The following TIMM50 variants were observed in gnomAD, a reference collection of about 807,000 sequenced individuals.
The protein encoded by TIMM50 is mitochondrial import inner membrane translocase subunit TIM50.
Under a neutral mutation model 49.6 loss-of-function variants are expected in TIMM50, and 34 were observed. The ratio of observed to expected loss-of-function variants is 0.69; its 90% CI spans 0.52 to 0.91. The LOEUF (loss-of-function observed/expected upper bound fraction) is 0.91. TIMM50 is among the 40% of genes least tolerant of loss of function. The pLI is 0.00. For synonymous variants in TIMM50, 199 were observed against 198.4 expected (o/e 1.00, Z -0.03); for missense variants, 458 against 477.8 (o/e 0.96, Z 0.39).
At chr19:39,488,772 A>T in intron 10 of TIMM50, 127 bp downstream of exon 10, 1 of 700,778 alleles carries the variant, frequency 1.4e-6, no homozygotes, top group South Asian at 1.7e-5. Context: ...TCTCTGCCTC[A>T]GTCTCTGTAA....
Position 39,482,006 on chromosome 19 carries a change from G to A in TIMM50, c.232G>A (p.Gly78Arg). The change falls in exon 2 of 11, where the codon GGG becomes AGG. Residue 78 changes from glycine to arginine, a missense_variant. Physicochemically the swap from Gly to Arg is moderately radical, Grantham distance 125. Transcript: ENST00000607714. ...LWLAGLLGAG[G>R]TVSVVYIFGN... is the part of the protein sequence containing the mutation. ...GCTTGCTGGGCTGCTTGGAGCTGGT[G>A]GGACTGTGAGCGTCGTCTATATCTT... is the stretch of plus-strand genomic sequence containing the variant. 6.2e-7 allele frequency: 1 copy of A among 1,614,152 alleles called. No individual in the cohort carries two copies. The highest frequency in any genetic ancestry group is 8.5e-7 in the Non-Finnish European group (1 of 1,180,020).
chr19:39,486,304 G>T lies in TIMM50; in HGVS notation c.597+13G>T. ...AGAGACTGGCATGGTGAGGCTCTGG[G>T]GCAGGGGAGGGAATATTGGTGTGGT... On this transcript the variant is annotated intron_variant, in intron 7 of 10. Transcript: ENST00000607714. The T allele has an allele frequency of 1.9e-6, 3 of 1,613,758 alleles. No homozygotes were observed. Among genetic ancestry groups the T allele is most frequent in the Non-Finnish European group, 2.5e-6 (3 of 1,179,694 alleles).
At chr19:39,481,363 A>T in intron 1 of TIMM50, 1 of 282,840 alleles carries the variant, frequency 3.5e-6, no homozygotes, top group Non-Finnish European at 6.7e-6. Flanking sequence ...GTTGACAGAG[A>T]CCCAGCCATT....
chr19:39,485,673 G>A lies in TIMM50; in HGVS notation c.373-15G>A, dbSNP rs372343731. 4.6e-4 allele frequency: 743 copies of A among 1,614,042 alleles called. 2 individuals carry two copies. Among genetic ancestry groups the A allele is most frequent in the Middle Eastern group, 2.3e-3 (14 of 6,062 alleles). Reference sequence around the variant, plus strand: ...CTCCTTGTCTGAGCGCCCCCATCCTGTCCCTCTCCCACAGATGATCATCGA... The same window carrying A: ...CTCCTTGTCTGAGCGCCCCCATCCTATCCCTCTCCCACAGATGATCATCGA... On this transcript the variant is annotated splice_polypyrimidine_tract_variant and intron_variant, in intron 5 of 10. Transcript: ENST00000607714.
intron 6 of TIMM50, 134 bp from the exon 7 acceptor site, chr19:39,486,053 C>A: frequency 8.9e-7 from 1 of 1,118,588 alleles, no homozygotes; most frequent in African/African-American, 1.6e-5. Flanking sequence ...CTATGAACTT[C>A]TTGACCTCCA....
At position 39,492,882 on chromosome 19, in the gene TIMM50, AAAAAAAAAAAC is replaced by A. The variant is rs1475137361; in HGVS notation, c.*3074_*3084del. 6 of 141,230 alleles carry A rather than the reference AAAAAAAAAAAC, an allele frequency of 4.2e-5. No individual in the cohort carries two copies. The highest frequency in any genetic ancestry group is 1.6e-4 in the African/African-American group (6 of 36,836). 8.7% of individuals were successfully genotyped at this position (141,230 alleles called of 1,614,324 possible). On this transcript the variant is annotated 3_prime_UTR_variant, in exon 11 of 11. Coordinates refer to ENST00000607714, the MANE Select transcript of TIMM50 (RefSeq NM_001001563.5). The stretch of plus-strand genomic sequence containing the variant: ...TAAGGCTCTGTCTCCAAAAAAAAAA[AAAAAAAAAAAC>A]AAAAAAAAAACCAGTTTGACTTTAT...
rs765616643 is a variant in TIMM50, at chr19:39,486,173, C to CA, written c.493-13dup. On this transcript the variant is annotated splice_polypyrimidine_tract_variant and intron_variant, in intron 6 of 10. Coordinates refer to ENST00000607714, the MANE Select transcript of TIMM50 (RefSeq NM_001001563.5). ...CTGGGTCTTGGTGTTTCACTGTCCT[C>CA]ACTGTCTTCCCAGCTGGCCACTGGC... The CA allele has an allele frequency of 1.9e-6, 3 of 1,613,666 alleles. No individual in the cohort carries two copies. The highest frequency in any genetic ancestry group is 2.2e-5 in the South Asian group (2 of 91,078).
chr19:39,488,463 G>T, intron 9 of TIMM50, 76 bp from the exon 10 acceptor site: 3 of 1,398,422 alleles, frequency 2.1e-6, no homozygotes, highest in Non-Finnish European at 3.0e-6. Flanking sequence ...GCCCCAGTGC[G>T]GGACGTTCCC....
At chr19:39,488,368 G>A in intron 9 of TIMM50, 151 bp downstream of exon 9, 1 of 1,152,858 alleles carries the variant, frequency 8.7e-7, no homozygotes, top group East Asian at 2.4e-5. Context: ...GATGTTCATG[G>A]AATGTTTGGG....
rs1600742437 is a variant in TIMM50 at position 39,488,455 on chromosome 19, C to T, written c.854-84C>T. 3 of 1,315,518 alleles carry T rather than the reference C, an allele frequency of 2.3e-6. No homozygotes were observed. In the East Asian group the frequency reaches 6.9e-5, roughly 30 times the overall value. The allele number at this position is 1,315,518 out of a possible 1,614,324, so 81.5% of individuals were successfully genotyped here. ...CAGGTAGCACTGACTGCCCCCGTGC[C>T]CCAGTGCGGGACGTTCCCCTCATGG... On this transcript the variant is annotated intron_variant, in intron 9 of 10. Transcript: ENST00000607714.
chr19:39,489,613 A>G (rs2079530621), intron 10 of TIMM50, 106 bp from the exon 11 acceptor site: 2 of 1,114,904 alleles, frequency 1.8e-6, no homozygotes, highest in African/African-American at 3.1e-5. Flanking sequence ...GGCAGAAGTC[A>G]GAAGGAAAGG....
chr19:39,482,147 C>T, intron 2 of TIMM50, 114 bp downstream of exon 2: 1 of 1,379,030 alleles, frequency 7.3e-7, no homozygotes, highest in Non-Finnish European at 9.9e-7. Context: ...CTGGCTCCTT[C>T]CTCAATAGGG....
At chr19:39,485,459 T>C (rs1197310030) in intron 4 of TIMM50, 85 bp from the exon 5 acceptor site, 2 of 1,534,658 alleles carry the variant, frequency 1.3e-6, no homozygotes, top group East Asian at 2.2e-5. Flanking sequence ...CCTGTTTGTA[T>C]CTGGTAGATA....
rs1555752644 is a variant in TIMM50 at position 39,492,883 on chromosome 19, A to AAAC, written c.*3065_*3066insCAA. ...AAGGCTCTGTCTCCAAAAAAAAAAAAAAAAAAAAACAAAAAAAAAACCAGT... is the reference window on the plus strand; with the variant it reads ...AAGGCTCTGTCTCCAAAAAAAAAAAAAACAAAAAAAAACAAAAAAAAAACCAGT... On this transcript the variant is annotated 3_prime_UTR_variant, in exon 11 of 11. Transcript: ENST00000607714. The AAAC allele has an allele frequency of 2.9e-5, 4 of 138,628 alleles. No individual in the cohort carries two copies. The highest frequency in any genetic ancestry group is 7.2e-5 in the Admixed American group (1 of 13,984). 8.6% of individuals were successfully genotyped at this position (138,628 alleles called of 1,614,324 possible).
chr19:39,483,258 C>G, intron 4 of TIMM50, 102 bp downstream of exon 4: 1 of 1,485,070 alleles, frequency 6.7e-7, no homozygotes. Flanking sequence ...CCTCCTCCTT[C>G]CACTGGGGAG....
Position 39,491,171 on chromosome 19 carries a change from G to GT in TIMM50, c.*1363dup, listed in dbSNP as rs143394669. 262 of 143,530 alleles carry GT rather than the reference G, an allele frequency of 1.8e-3. 1 individual carries two copies. The highest frequency in any genetic ancestry group is 0.012 in the South Asian group (52 of 4,422). The allele number at this position is 143,530 out of a possible 1,614,324, so 8.9% of individuals were successfully genotyped here. Reference sequence around the variant, plus strand: ...GTAGCCAGTGGCCACATAAACCTTTGTTTTTTTTTTTTGAGACGGAGTTTC... The same window carrying GT: ...GTAGCCAGTGGCCACATAAACCTTTGTTTTTTTTTTTTTGAGACGGAGTTTC... On this transcript the variant is annotated 3_prime_UTR_variant, in exon 11 of 11. Coordinates refer to ENST00000607714, the MANE Select transcript of TIMM50 (RefSeq NM_001001563.5).
chr19:39,484,818 T>G (rs974343487), intron 4 of TIMM50, among the ~76,000 whole-genome samples: 2 of 152,080 alleles, frequency 1.3e-5, no homozygotes, highest in African/African-American at 4.8e-5. Flanking sequence ...TCCCAACACT[T>G]TGGGAGGCCA....
In TIMM50 at chr19:39,488,102, T is replaced by C; in HGVS notation, c.738T>C (p.Val246=). The part of the protein sequence containing the change: ...CLNRDPARVV[V]VDCKKEAFRL... ...ATCGGGACCCAGCTCGAGTAGTAGT[T>C]GTGGACTGCAAGAAGGAAGCCTTCC... The change falls in exon 9 of 11, where the codon GTT becomes GTC. Residue 246 remains valine (V), a synonymous_variant. Coordinates refer to ENST00000607714, the MANE Select transcript of TIMM50 (RefSeq NM_001001563.5). 6.2e-7 allele frequency: 1 copy of C among 1,613,732 alleles called. No individual in the cohort carries two copies. The highest frequency in any genetic ancestry group is 8.5e-7 in the Non-Finnish European group (1 of 1,179,648).
At chr19:39,480,989 A>G (rs1163340371) in intron 1 of TIMM50, 28 bp downstream of exon 1, 1 of 1,555,376 alleles carries the variant, frequency 6.4e-7, no homozygotes, top group South Asian at 1.2e-5. Context: ...GGCCCTCTGA[A>G]TGTGGGGTCC....
Sources: gnomAD v4.1 joint callset for allele counts (sites outside exome capture counted in the v4.1 genomes callset) on GRCh38, gnomAD v4.1.1 for gene constraint, MANE v1.5 for transcripts, NCBI Gene and HGNC (gene_info 2026-07-23, HGNC 2026-07-21) for gene names.